Variants in NUBPL observed in about 807,000 individuals in gnomAD.
NUBPL encodes the protein NUBP iron-sulfur cluster assembly factor, mitochondrial.
A neutral mutation model predicts 45.7 loss-of-function variants in NUBPL; 31 were observed. The observed-to-expected ratio is 0.68, with a 90% confidence interval of 0.51 to 0.92. The LOEUF (loss-of-function observed/expected upper bound fraction) is 0.92. NUBPL is among the 40% of genes least tolerant of loss of function. The pLI is 0.00. For missense variants in NUBPL, 401 were observed against 398.7 expected, an observed-to-expected ratio of 1.01 and a Z score of -0.05; for synonymous variants, 144 against 140.9, an observed-to-expected ratio of 1.02 and a Z score of -0.15.
At chr14:31,642,160 A>T (rs1484881323) in intron 4 of NUBPL, among the ~76,000 whole-genome samples, 1 of 151,928 alleles carries the variant, frequency 6.6e-6, no homozygotes. Flanking sequence ...TTGTTTCCTT[A>T]GCTGTGCAGA....
chr14:31,819,356 A>G (rs2039977282), intron 7 of NUBPL, among the ~76,000 whole-genome samples: 1 of 152,208 alleles, frequency 6.6e-6, no homozygotes, highest in Non-Finnish European at 1.5e-5. Context: ...TTTAAGTCTT[A>G]TTTGACTTTA....
chr14:31,680,413 A>G (rs138224131), intron 6 of NUBPL, among the ~76,000 whole-genome samples: 2 of 152,022 alleles, frequency 1.3e-5, no homozygotes, highest in Non-Finnish European at 2.9e-5. Flanking sequence ...TTGTTTCTTG[A>G]AAGTTTTTAT....
chr14:31,714,122 A>G (rs1434788511), intron 6 of NUBPL, among the ~76,000 whole-genome samples: 2 of 152,174 alleles, frequency 1.3e-5, no homozygotes, highest in East Asian at 1.9e-4. Flanking sequence ...GTTCTAACCA[A>G]TGAGACACAA....
chr14:31,756,780 G>A lies in NUBPL; in HGVS notation c.514-31000G>A, dbSNP rs201564060. 2.5e-3 allele frequency among the ~76,000 whole-genome samples: 382 copies of A among 152,148 alleles called. 6 individuals are homozygous for A. Among genetic ancestry groups the A allele is most frequent in the East Asian group, 5.6e-3 (29 of 5,154 alleles). ...GAGAGGGCATCCCTGTCTTGTGTCC[G>A]TTTTCAAAGGGAAAGCTTCCAGTTT... On this transcript the variant is annotated intron_variant, in intron 6 of 10. Transcript: ENST00000281081.
chr14:31,821,525 G>C (rs113941878), intron 7 of NUBPL, among the ~76,000 whole-genome samples: 2 of 152,182 alleles, frequency 1.3e-5, no homozygotes, highest in African/African-American at 4.8e-5. Context: ...TATGTCCAAA[G>C]TCAGGCAATA....
At chr14:31,726,300 T>C (rs901891666) in intron 6 of NUBPL, among the ~76,000 whole-genome samples, 9 of 152,330 alleles carry the variant, frequency 5.9e-5, no homozygotes, top group African/African-American at 2.2e-4. Flanking sequence ...TTCAGAGATA[T>C]TTGATATAGC....
At chr14:31,627,090 CTCTA>C (rs1362083857) in intron 4 of NUBPL, among the ~76,000 whole-genome samples, 1 of 152,170 alleles carries the variant, frequency 6.6e-6, no homozygotes. Flanking sequence ...GTACTTTAAA[CTCTA>C]TCTAGCACAT....
chr14:31,833,662 T>C (rs901914644), intron 8 of NUBPL, among the ~76,000 whole-genome samples: 2 of 152,194 alleles, frequency 1.3e-5, no homozygotes, highest in African/African-American at 4.8e-5. Flanking sequence ...AGTAGCCTTC[T>C]TCCATGCAGT....
At chr14:31,572,827 A>G (rs2033623672) in intron 3 of NUBPL, among the ~76,000 whole-genome samples, 1 of 152,230 alleles carries the variant, frequency 6.6e-6, no homozygotes, top group Non-Finnish European at 1.5e-5. Flanking sequence ...CCTAAGCTAT[A>G]TGGTATAACC....
At chr14:31,840,548 T>A (rs1342905572) in intron 8 of NUBPL, among the ~76,000 whole-genome samples, 1 of 142,488 alleles carries the variant, frequency 7.0e-6, no homozygotes, top group Non-Finnish European at 1.5e-5. Flanking sequence ...CACTCCAGCC[T>A]GGGCAACAGA....
chr14:31,820,795 A>G (rs1377908410), intron 7 of NUBPL, among the ~76,000 whole-genome samples: 1 of 149,102 alleles, frequency 6.7e-6, no homozygotes, highest in African/African-American at 2.5e-5. Flanking sequence ...TTGGCACTCC[A>G]GCCTGGGCAA....
Position 31,859,331 on chromosome 14 carries a change from A to G in NUBPL, c.*151A>G, listed in dbSNP as rs2040675991. 1.4e-6 allele frequency: 1 copy of G among 737,616 alleles called. No individual in the cohort carries two copies. Among genetic ancestry groups the G allele is most frequent in the East Asian group, 2.7e-5 (1 of 36,434 alleles). The allele number at this position is 737,616 out of a possible 1,614,324, so 45.7% of individuals were successfully genotyped here. A position where few individuals can be genotyped will look rare whatever the true frequency, so the allele number is the denominator to read the frequency against. On this transcript the variant is annotated 3_prime_UTR_variant, in exon 11 of 11. Transcript: ENST00000281081. ...GTCTTCATATTTGACTTGCTAAGCTAAGGTTCACAAAACTTTGATGTATCA... is the reference window on the plus strand; with the variant it reads ...GTCTTCATATTTGACTTGCTAAGCTGAGGTTCACAAAACTTTGATGTATCA...
intron 6 of NUBPL, among the ~76,000 whole-genome samples, chr14:31,710,805 G>C (rs1487722192): frequency 6.6e-6 from 1 of 152,190 alleles, no homozygotes; most frequent in East Asian, 1.9e-4. Flanking sequence ...TTCAGGAATA[G>C]CTTTTGTTAG....
intron 7 of NUBPL, among the ~76,000 whole-genome samples, chr14:31,799,468 T>C (rs1396436681): frequency 6.6e-6 from 1 of 152,164 alleles, no homozygotes; most frequent in Non-Finnish European, 1.5e-5. Context: ...TCTTGTTACA[T>C]AAAATGGATA....
At chr14:31,681,766 C>G (rs2036840192) in intron 6 of NUBPL, among the ~76,000 whole-genome samples, 1 of 151,922 alleles carries the variant, frequency 6.6e-6, no homozygotes, top group African/African-American at 2.4e-5. Flanking sequence ...AAAGTAGTTT[C>G]TAATTTCCTT....
intron 3 of NUBPL, among the ~76,000 whole-genome samples, chr14:31,591,132 G>C (rs1468578134): frequency 6.6e-6 from 1 of 152,010 alleles, no homozygotes; most frequent in Non-Finnish European, 1.5e-5. Context: ...CTTCTTTTTG[G>C]TTAGCTTTTT....
At chr14:31,856,325 T>A (rs1020586715) in intron 10 of NUBPL, among the ~76,000 whole-genome samples, 1 of 151,980 alleles carries the variant, frequency 6.6e-6, no homozygotes, top group African/African-American at 2.4e-5. Flanking sequence ...TTCAATCACC[T>A]CCCACCAGGT....
At chr14:31,596,399 A>G (rs1299504376) in intron 3 of NUBPL, among the ~76,000 whole-genome samples, 1 of 152,200 alleles carries the variant, frequency 6.6e-6, no homozygotes, top group Non-Finnish European at 1.5e-5. Context: ...ACAAAATTAC[A>G]TTGTTGAATG....
At chr14:31,643,509 A>G (rs146873976) in intron 4 of NUBPL, among the ~76,000 whole-genome samples, 275 of 151,702 alleles carry the variant, frequency 1.8e-3, no homozygotes, top group Non-Finnish European at 3.4e-3. Context: ...CCACTTATTC[A>G]TGGTGAATGA....
Sources: allele counts gnomAD v4.1 joint callset (sites outside exome capture counted in the v4.1 genomes callset), GRCh38; gene constraint gnomAD v4.1.1; transcripts MANE v1.5; gene names NCBI Gene and HGNC (gene_info 2026-07-23, HGNC 2026-07-21).